The following DISP2 variants were observed in gnomAD, a reference collection of about 807,000 sequenced individuals.
DISP2 encodes dispatched RND transporter family member 2, also known as protein dispatched homolog 2.
In DISP2, 59 loss-of-function variants were observed where a neutral mutation model predicts 95.5. That is an observed-to-expected ratio of 0.62 (90% confidence interval 0.50 to 0.77). The LOEUF is 0.77. Ranked by LOEUF, DISP2 falls within the 30% of genes least tolerant of loss-of-function variation. The probability of loss-of-function intolerance (pLI) is 0.00; values close to 1 mark genes in which losing one functional copy is unlikely to be tolerated. For synonymous variants in DISP2, 827 were observed against 815.0 expected (o/e 1.01, Z -0.25); for missense variants, 1,752 against 1,854.6 (o/e 0.94, Z 1.02).
At chr15:40,361,450 T>C (rs117562005) in intron 1 of DISP2, among the ~76,000 whole-genome samples, 3 of 152,312 alleles carry the variant, frequency 2.0e-5, no homozygotes, top group Non-Finnish European at 4.4e-5. Flanking sequence ...ATATGTTACA[T>C]CAGTTAATTC....
Position 40,368,587 on chromosome 15 carries a change from C to A in DISP2, c.2475C>A (p.Phe825Leu). The A allele has an allele frequency of 6.2e-7, 1 of 1,604,950 alleles. No individual in the cohort carries two copies. The highest frequency in any genetic ancestry group is 8.5e-7 in the Non-Finnish European group (1 of 1,179,922). ...LCHRARNQSF[F>L]DTLQEGWPTL... is the part of the protein sequence containing the mutation. ...ACCGGGCCCGGAATCAGAGCTTCTT[C>A]GACACCCTGCAGGAAGGCTGGCCCA... Residue 825 changes from phenylalanine (F) to leucine (L), a missense_variant, in exon 8 of 8, where the codon TTC becomes TTA. Physicochemically the swap from Phe to Leu is conservative, Grantham distance 22 (BLOSUM62 0). Coordinates refer to ENST00000267889, the MANE Select transcript of DISP2 (RefSeq NM_033510.3).
At position 40,358,407 on chromosome 15, in the gene DISP2, A is replaced by G; in HGVS notation, c.86A>G (p.Glu29Gly). ...GPEGEQRPEG[E>G]PLAPDGGSPD... ...GAAGGGGAGCAACGGCCCGAGGGGG[A>G]GCCCTTGGCCCCAGACGGCGGCTCC... Residue 29 changes from glutamate to glycine, a missense_variant, in exon 1 of 8, where the codon GAG (glutamate) becomes GGG (glycine). Around this residue, in one of 5 missense-constraint regions of DISP2, gnomAD observed 342 missense variants for 364.3 expected, o/e 0.94. Transcript: ENST00000267889. The G allele has an allele frequency of 6.0e-6, 8 of 1,339,966 alleles. No homozygotes were observed. Among genetic ancestry groups the G allele is most frequent in the Middle Eastern group, 2.1e-4 (1 of 4,782 alleles). 83.0% of individuals were successfully genotyped at this position (1,339,966 alleles called of 1,614,324 possible).
chr15:40,362,410 C>G (rs2141259219), intron 1 of DISP2, among the ~76,000 whole-genome samples: 1 of 152,374 alleles, frequency 6.6e-6, no homozygotes, highest in Middle Eastern at 3.4e-3. Flanking sequence ...AGGACCGGGT[C>G]TTCTTCATCC....
At chr15:40,365,752 G>A (rs750440443) in intron 7 of DISP2, 27 bp downstream of exon 7, 5 of 1,610,722 alleles carry the variant, frequency 3.1e-6, no homozygotes, top group Non-Finnish European at 4.2e-6. Flanking sequence ...GGTGCCAGGG[G>A]TTTGGGGGGA....
In DISP2 at chr15:40,365,246, G is replaced by A. The variant is rs1889478461; in HGVS notation, c.819G>A (p.Arg273=). The A allele has an allele frequency of 6.2e-7, 1 of 1,614,016 alleles. No individual in the cohort carries two copies. The highest frequency in any genetic ancestry group is 1.7e-5 in the Admixed American group (1 of 60,024). ...RRMVEPLEDR[R]QENFFCGPPE... ...TGGTGGAGCCCCTGGAGGACAGAAG[G>A]CAAGAGAACTTCTTCTGTGGCCCCC... Residue 273 remains arginine (R), a synonymous_variant, in exon 6 of 8, where the codon AGG becomes AGA. Coordinates refer to ENST00000267889, the MANE Select transcript of DISP2 (RefSeq NM_033510.3).
In DISP2 at chr15:40,369,333, G is replaced by C. The variant is rs763553303; in HGVS notation, c.3221G>C (p.Gly1074Ala). The change falls in exon 8 of 8, where the codon GGC becomes GCC. Residue 1074 changes from glycine (G) to alanine (A), a missense_variant. Gly to Ala is a moderately conservative substitution (Grantham distance 60, BLOSUM62 0). Coordinates refer to ENST00000267889, the MANE Select transcript of DISP2 (RefSeq NM_033510.3). ...GGGGCTGCAGCCCTGTTTGCGGCAG[G>C]CGTGCTCATGCTGCCTGCCACAGTG... ...AVGAAALFAAGVLMLPATVLL... is the reference protein window; with the variant it reads ...AVGAAALFAAAVLMLPATVLL... 4 of 1,613,338 alleles carry C rather than the reference G, an allele frequency of 2.5e-6. No individual in the cohort carries two copies. The highest frequency in any genetic ancestry group is 3.4e-6 in the Non-Finnish European group (4 of 1,180,024).
chr15:40,368,478 C>A lies in DISP2; in HGVS notation c.2366C>A (p.Pro789His). The change falls in exon 8 of 8, where the codon CCT becomes CAT. Residue 789 changes from proline to histidine, a missense_variant. By Grantham distance (77) the Pro-to-His change is moderately conservative. This residue lies in a region of DISP2 where 732 missense variants were observed against 714.6 expected (regional missense o/e 1.02). Coordinates refer to ENST00000267889, the MANE Select transcript of DISP2 (RefSeq NM_033510.3). ...LPVDTGDPLDPRSNSSLVRDP... is the reference protein window; with the variant it reads ...LPVDTGDPLDHRSNSSLVRDP... ...GTGGACACTGGCGACCCTCTGGACC[C>A]TCGTAGCAACAGCAGCCTGGTGAGG... 1 of 1,609,030 alleles carries A rather than the reference C, an allele frequency of 6.2e-7. No individual in the cohort carries two copies.
Position 40,358,445 on chromosome 15 carries a change from G to C in DISP2, c.119+5G>C, listed in dbSNP as rs1409454008. ...AGACGGCGGCTCCCCGGACAGGTAGGGCGGACAGCTCCGCAGATCCGTATC... is the reference window on the plus strand; with the variant it reads ...AGACGGCGGCTCCCCGGACAGGTAGCGCGGACAGCTCCGCAGATCCGTATC... On this transcript the variant is annotated splice_donor_5th_base_variant and intron_variant, in intron 1 of 7. Coordinates refer to ENST00000267889, the MANE Select transcript of DISP2 (RefSeq NM_033510.3). 2.3e-6 allele frequency: 3 copies of C among 1,307,862 alleles called. No homozygotes were observed. The highest frequency in any genetic ancestry group is 2.9e-6 in the Non-Finnish European group (3 of 1,027,620). The allele number at this position is 1,307,862 out of a possible 1,614,324, so 81.0% of individuals were successfully genotyped here.
chr15:40,366,562 G>A (rs529421485), intron 7 of DISP2, among the ~76,000 whole-genome samples: 29 of 152,322 alleles, frequency 1.9e-4, no homozygotes, highest in African/African-American at 7.0e-4. Flanking sequence ...TCAACAACAG[G>A]AAAGGAGAAA....
rs1193132780 is a variant in DISP2, at chr15:40,375,705, A to G, written c.*5387A>G. ...GTAATGGCTCCATCAATGGCTTCTCACACTTGGTGTCAGAGGCCTTCACAC... is the reference window on the plus strand; with the variant it reads ...GTAATGGCTCCATCAATGGCTTCTCGCACTTGGTGTCAGAGGCCTTCACAC... On this transcript the variant is annotated 3_prime_UTR_variant, in exon 8 of 8. Transcript: ENST00000267889. The G allele has an allele frequency of 6.6e-6, 1 of 152,164 alleles. No individual in the cohort carries two copies. Among genetic ancestry groups the G allele is most frequent in the Admixed American group, 6.6e-5 (1 of 15,264 alleles). 9.4% of individuals were successfully genotyped at this position (152,164 alleles called of 1,614,324 possible).
Position 40,368,752 on chromosome 15 carries a change from G to A in DISP2, c.2640G>A (p.Leu880=). 1 of 1,613,752 alleles carries A rather than the reference G, an allele frequency of 6.2e-7. No individual in the cohort carries two copies. Among genetic ancestry groups the A allele is most frequent in the Non-Finnish European group, 8.5e-7 (1 of 1,180,024 alleles). The change falls in exon 8 of 8, where the codon CTG becomes CTA. Residue 880 remains leucine (L), a synonymous_variant. Coordinates refer to ENST00000267889, the MANE Select transcript of DISP2 (RefSeq NM_033510.3). ...TGCACTGCCTGAAAATGATGGCTCT[G>A]GAGCAAGGCCCCGATGGCACCCAGG... The part of the protein sequence containing the change: ...FFLHCLKMMA[L]EQGPDGTQDL...
At chr15:40,359,097 T>G (rs1889367211) in intron 1 of DISP2, among the ~76,000 whole-genome samples, 1 of 152,208 alleles carries the variant, frequency 6.6e-6, no homozygotes, top group African/African-American at 2.4e-5. Flanking sequence ...AGGGACACCT[T>G]CCTGCTGAGG....
Position 40,369,817 on chromosome 15 carries a change from C to T in DISP2, c.3705C>T (p.Ser1235=), listed in dbSNP as rs779694176. Residue 1235 remains serine (S), a synonymous_variant, in exon 8 of 8, where the codon TCC becomes TCT. Coordinates refer to ENST00000267889, the MANE Select transcript of DISP2 (RefSeq NM_033510.3). ...AGTGCCCTGCCCTGCAGACCTCCTC[C>T]CCCTATAAGCAGGCTGGCCCCAGCC... ...FSQCPALQTS[S]PYKQAGPSPK... 2.5e-6 allele frequency: 4 copies of T among 1,588,100 alleles called. No homozygotes were observed. Among genetic ancestry groups the T allele is most frequent in the Admixed American group, 3.4e-5 (2 of 58,720 alleles).
In DISP2 at chr15:40,367,847, G is replaced by A. The variant is rs1294331310; in HGVS notation, c.1735G>A (p.Ala579Thr). The A allele has an allele frequency of 1.9e-6, 3 of 1,600,810 alleles. No homozygotes were observed. Among genetic ancestry groups the A allele is most frequent in the African/African-American group, 1.3e-5 (1 of 75,052 alleles). The change falls in exon 8 of 8, where the codon GCG (alanine) becomes ACG (threonine). Residue 579 changes from alanine (A) to threonine (T), a missense_variant. By Grantham distance (58) the Ala-to-Thr change is moderately conservative. Around this residue, in one of 5 missense-constraint regions of DISP2, gnomAD observed 732 missense variants for 714.6 expected, o/e 1.02. Coordinates refer to ENST00000267889, the MANE Select transcript of DISP2 (RefSeq NM_033510.3). ...GAGCCAGCTGCCGTCGGGGGGGCTG[G>A]CGCAGCGCGTGGGCCGCACCATGCA... ...SKSQLPSGGL[A>T]QRVGRTMHHF... is the part of the protein sequence containing the mutation.
Position 40,368,959 on chromosome 15 carries a change from C to T in DISP2, c.2847C>T (p.Ser949=), listed in dbSNP as rs887853868. The T allele has an allele frequency of 6.2e-7, 1 of 1,613,976 alleles. No individual in the cohort carries two copies. The highest frequency in any genetic ancestry group is 8.5e-7 in the Non-Finnish European group (1 of 1,180,056). The part of the protein sequence containing the change: ...PPGLRRGWFT[S]RLELYSLQHS... ...GCCTCCGCCGTGGTTGGTTCACTAG[C>T]CGTCTAGAGCTGTATAGCCTGCAGC... The change falls in exon 8 of 8, where the codon AGC becomes AGT. Residue 949 remains serine, a synonymous_variant. Coordinates refer to ENST00000267889, the MANE Select transcript of DISP2 (RefSeq NM_033510.3).
Position 40,370,213 on chromosome 15 carries a change from G to T in DISP2, c.4101G>T (p.Gly1367=). ...GCAGCTTGTCCTGGAAGGGCCGAGG[G>T]GGGCCAGGGGATGGCAGCCCTGTGG... is the stretch of plus-strand genomic sequence containing the variant. ...HHSSLSWKGR[G]GPGDGSPVVL... The change falls in exon 8 of 8, where the codon GGG becomes GGT. Residue 1367 remains glycine (G), a synonymous_variant. Transcript: ENST00000267889. 6.2e-7 allele frequency: 1 copy of T among 1,609,992 alleles called. No homozygotes were observed. The highest frequency in any genetic ancestry group is 2.2e-5 in the East Asian group (1 of 44,864).
chr15:40,362,439 C>T (rs1889420051), intron 1 of DISP2, among the ~76,000 whole-genome samples: 1 of 152,258 alleles, frequency 6.6e-6, no homozygotes, highest in Non-Finnish European at 1.5e-5. Context: ...CTATTAGCAG[C>T]CAGCCTAGCA....
chr15:40,364,634 A>G (rs1229302922), intron 4 of DISP2, 90 bp downstream of exon 4: 1 of 1,558,016 alleles, frequency 6.4e-7, no homozygotes. Context: ...TAGCCATGGT[A>G]GCCTGGGGAT....
At position 40,369,187 on chromosome 15, in the gene DISP2, A is replaced by G; in HGVS notation, c.3075A>G (p.Ser1025=). Residue 1025 remains serine, a synonymous_variant, in exon 8 of 8, where the codon TCA becomes TCG. Transcript: ENST00000267889. ...NTAEALFLSA[S]VGLSVDFTVN... ...CCGAGGCCCTGTTTCTCTCTGCCTC[A>G]GTGGGCCTCTCAGTAGACTTCACTG... The G allele has an allele frequency of 1.2e-6, 2 of 1,613,912 alleles. No homozygotes were observed. The highest frequency in any genetic ancestry group is 1.7e-6 in the Non-Finnish European group (2 of 1,180,026).
Sources: allele counts gnomAD v4.1 joint callset (sites outside exome capture counted in the v4.1 genomes callset), GRCh38; gene constraint gnomAD v4.1.1; regional missense constraint gnomAD v4.1.1; transcripts MANE v1.5; gene names NCBI Gene and HGNC (gene_info 2026-07-23, HGNC 2026-07-21).